The following SLC1A2 variants were observed in gnomAD, a reference collection of about 807,000 sequenced individuals.
SLC1A2 encodes solute carrier family 1 member 2, also known as excitatory amino acid transporter 2.
SLC1A2 carries 15 observed loss-of-function variants against 48.8 expected under a neutral mutation model. That is an observed-to-expected ratio of 0.31 (90% CI 0.21 to 0.47). The LOEUF (loss-of-function observed/expected upper bound fraction) is 0.47. SLC1A2 is among the 20% of genes least tolerant of loss of function. SLC1A2 has a pLI of 0.99. For missense variants in SLC1A2, 502 were observed against 730.5 expected (o/e 0.69, Z 3.61); for synonymous variants, 279 against 272.6 (o/e 1.02, Z -0.23).
chr11:35,312,505 G>C (rs1851739329), intron 3 of SLC1A2, 57 bp from the exon 4 acceptor site: 2 of 1,576,518 alleles, frequency 1.3e-6, no homozygotes, highest in Admixed American at 3.4e-5. Flanking sequence ...CTAATGACCT[G>C]TGTCTACATT....
chr11:35,276,084 T>C (rs114278969), intron 9 of SLC1A2, among the ~76,000 whole-genome samples: 1,833 of 152,324 alleles, frequency 0.012, 39 homozygotes, highest in African/African-American at 0.041. Flanking sequence ...CTTATTTGTA[T>C]ACAAACATTC....
intron 1 of SLC1A2, among the ~76,000 whole-genome samples, chr11:35,368,434 A>G (rs1853935359): frequency 6.6e-6 from 1 of 152,228 alleles, no homozygotes; most frequent in South Asian, 2.1e-4. Flanking sequence ...AGACTTTCAA[A>G]AAATGCTTGG....
At chr11:35,335,265 T>C (rs1852586839) in intron 1 of SLC1A2, among the ~76,000 whole-genome samples, 1 of 152,182 alleles carries the variant, frequency 6.6e-6, no homozygotes, top group Non-Finnish European at 1.5e-5. Flanking sequence ...CTCAACCTCA[T>C]AGCTGCTAAT....
At chr11:35,322,560 C>T (rs56205617) in intron 1 of SLC1A2, 44,685 of 1,516,772 alleles carry the variant, frequency 0.029, 761 homozygotes, top group Middle Eastern at 0.072. Context: ...GCTTCACCCA[C>T]CTGTCCTTCC....
At chr11:35,283,368 G>A (rs545353523) in intron 8 of SLC1A2, among the ~76,000 whole-genome samples, 4 of 152,172 alleles carry the variant, frequency 2.6e-5, no homozygotes, top group Admixed American at 6.5e-5. Context: ...CAAACTGCAG[G>A]CATGAAGTAT....
At chr11:35,347,520 G>T (rs1853086197) in intron 1 of SLC1A2, among the ~76,000 whole-genome samples, 1 of 152,236 alleles carries the variant, frequency 6.6e-6, no homozygotes, top group African/African-American at 2.4e-5. Context: ...CTTAAATCCA[G>T]ATTCAAAGTG....
chr11:35,293,306 T>C (rs1591437443), intron 6 of SLC1A2, among the ~76,000 whole-genome samples: 1 of 152,192 alleles, frequency 6.6e-6, no homozygotes, highest in African/African-American at 2.4e-5. Context: ...TCTGTGAAAC[T>C]CCCAACTGGG....
At chr11:35,365,283 C>A (rs112659099) in intron 1 of SLC1A2, among the ~76,000 whole-genome samples, 2,847 of 152,264 alleles carry the variant, frequency 0.019, 88 homozygotes, top group African/African-American at 0.064. Context: ...CTAAGTGCCT[C>A]CAAAGCCCTT....
intron 9 of SLC1A2, among the ~76,000 whole-genome samples, chr11:35,267,617 C>G (rs1363069705): frequency 2.6e-5 from 4 of 152,174 alleles, no homozygotes; most frequent in Non-Finnish European, 5.9e-5. Flanking sequence ...TGGCAACGCT[C>G]CCAACTAACT....
intron 1 of SLC1A2, among the ~76,000 whole-genome samples, chr11:35,412,347 T>C (rs532303023): frequency 5.3e-5 from 8 of 152,342 alleles, no homozygotes; most frequent in African/African-American, 1.7e-4. Context: ...ACTGTAGATA[T>C]ATGTCAATTG....
chr11:35,265,256 G>T, intron 10 of SLC1A2: 1 of 522,916 alleles, frequency 1.9e-6, no homozygotes, highest in Non-Finnish European at 3.3e-6. Flanking sequence ...TTAGTTAAAT[G>T]GGGTAGATAG....
At chr11:35,411,342 C>A (rs1237893097) in intron 1 of SLC1A2, among the ~76,000 whole-genome samples, 1 of 152,194 alleles carries the variant, frequency 6.6e-6, no homozygotes, top group Non-Finnish European at 1.5e-5. Context: ...TGGTTGATAA[C>A]CATCCATTTC....
In SLC1A2 at chr11:35,279,919, CCTCT is replaced by C. The variant is rs759138209; in HGVS notation, c.1421+944_1421+947del. ...CTTCCATTCTTGACTGGGATGAAGG[CCTCT>C]CTCTATCACTATGCTTTTATGTGTG... On this transcript the variant is annotated intron_variant, in intron 9 of 10. Coordinates refer to ENST00000278379, the MANE Select transcript of SLC1A2 (RefSeq NM_004171.4). Among the ~76,000 whole-genome samples the C allele has an allele frequency of 2.8e-4, 43 of 152,292 alleles. No homozygotes were observed. In the Middle Eastern group the frequency reaches 0.014, roughly 48 times the overall value.
At chr11:35,384,026 C>G (rs1262922788) in intron 1 of SLC1A2, among the ~76,000 whole-genome samples, 2 of 152,220 alleles carry the variant, frequency 1.3e-5, no homozygotes, top group Non-Finnish European at 2.9e-5. Context: ...CACAACACAG[C>G]AAAGTTTAGC....
intron 1 of SLC1A2, among the ~76,000 whole-genome samples, chr11:35,376,420 T>A (rs61618750): frequency 0.017 from 2,659 of 152,288 alleles, 73 homozygotes; most frequent in African/African-American, 0.061. Flanking sequence ...CAATGCTCTA[T>A]GGTTATGTAA....
chr11:35,328,837 C>T (rs1852332513), intron 1 of SLC1A2, among the ~76,000 whole-genome samples: 2 of 152,150 alleles, frequency 1.3e-5, no homozygotes, highest in South Asian at 2.1e-4. Flanking sequence ...CTTCCTGTCC[C>T]CTCTCAGCCT....
chr11:35,356,185 A>G (rs1853454008), intron 1 of SLC1A2, among the ~76,000 whole-genome samples: 1 of 152,242 alleles, frequency 6.6e-6, no homozygotes, highest in Middle Eastern at 3.2e-3. Flanking sequence ...AATGAATTGA[A>G]TACCATCAAA....
At chr11:35,412,217 T>C (rs530841047) in intron 1 of SLC1A2, among the ~76,000 whole-genome samples, 1 of 152,314 alleles carries the variant, frequency 6.6e-6, no homozygotes, top group Non-Finnish European at 1.5e-5. Flanking sequence ...TTCCAGTTTT[T>C]TCATCTCTAA....
intron 1 of SLC1A2, among the ~76,000 whole-genome samples, chr11:35,351,388 A>G (rs1202887813): frequency 2.0e-5 from 3 of 152,156 alleles, no homozygotes; most frequent in Admixed American, 6.5e-5. Flanking sequence ...GGGACCATGG[A>G]TCCTGTCTGA....
Sources: gnomAD v4.1 joint callset for allele counts (sites outside exome capture counted in the v4.1 genomes callset) on GRCh38, gnomAD v4.1.1 for gene constraint, MANE v1.5 for transcripts, NCBI Gene and HGNC (gene_info 2026-07-23, HGNC 2026-07-21) for gene names.